The following CDKN2B variants were observed in gnomAD, a reference collection of about 807,000 sequenced individuals.
CDKN2B encodes the protein cyclin-dependent kinase 4 inhibitor B.
CDKN2B carries 8 observed loss-of-function variants against 7.7 expected under a neutral mutation model. That is an observed-to-expected ratio of 1.04 (90% confidence interval 0.61 to 1.87). The LOEUF (loss-of-function observed/expected upper bound fraction) is 1.87, where lower values mean the gene tolerates loss of function less well. Ranked by LOEUF, CDKN2B falls within the 40% of genes most tolerant of loss-of-function variation. The pLI is 0.00. For missense variants in CDKN2B, 244 were observed against 213.1 expected (o/e 1.15, Z -0.90); for synonymous variants, 93 against 95.8 (o/e 0.97, Z 0.17).
In CDKN2B at chr9:22,006,385, T is replaced by C; in HGVS notation, c.157-138A>G. On this transcript the variant is annotated intron_variant, in intron 1 of 1. Transcript: ENST00000276925. The surrounding 1 kb of genome is among the most constrained non-coding windows in gnomAD (Gnocchi z 6.4). ...CCCAGTGCAGAGGTGTTCAGGTCTCTGATGTCTGGTGTTTCTTCATTTGCT... is the reference window on the plus strand; with the variant it reads ...CCCAGTGCAGAGGTGTTCAGGTCTCCGATGTCTGGTGTTTCTTCATTTGCT... 1 of 1,162,490 alleles carries C rather than the reference T, an allele frequency of 8.6e-7. No individual in the cohort carries two copies. Among genetic ancestry groups the C allele is most frequent in the Non-Finnish European group, 1.2e-6 (1 of 813,410 alleles). The allele number at this position is 1,162,490 out of a possible 1,614,324, so 72.0% of individuals were successfully genotyped here. A position where few individuals can be genotyped will look rare whatever the true frequency, so the allele number is the denominator to read the frequency against.
Position 22,006,591 on chromosome 9 carries a change from CAG to C in CDKN2B, c.157-346_157-345del, listed in dbSNP as rs368869741. ...TCTATTTTGTTAAATGATTTAGGGG[CAG>C]AGTTAAATTTATTCGGCTTTTAAAG... On this transcript the variant is annotated intron_variant, in intron 1 of 1. Coordinates refer to ENST00000276925, the MANE Select transcript of CDKN2B (RefSeq NM_004936.4). This position sits in a 1 kb window ranked among gnomAD's most constrained non-coding sequence, Gnocchi z 6.4. Among the ~76,000 whole-genome samples the C allele has an allele frequency of 1.3e-5, 2 of 152,262 alleles. No individual in the cohort carries two copies. The highest frequency in any genetic ancestry group is 4.8e-5 in the African/African-American group (2 of 41,544).
At position 22,004,081 on chromosome 9, in the gene CDKN2B, T is replaced by C. The variant is rs1373760298; in HGVS notation, c.*1906A>G. 6 of 232,572 alleles carry C rather than the reference T, an allele frequency of 2.6e-5. No individual in the cohort carries two copies. The highest frequency in any genetic ancestry group is 1.2e-4 in the East Asian group (2 of 16,404). 14.4% of individuals were successfully genotyped at this position (232,572 alleles called of 1,614,324 possible). A position where few individuals can be genotyped will look rare whatever the true frequency, so the allele number is the denominator to read the frequency against. On this transcript the variant is annotated 3_prime_UTR_variant, in exon 2 of 2. Transcript: ENST00000276925. ...CTCATTGTCCTCATCTGGGAAACAA[T>C]ACCTATCTCTCAGGTTTAAATATTA...
Position 22,005,746 on chromosome 9 carries a change from C to T in CDKN2B, c.*241G>A. On this transcript the variant is annotated 3_prime_UTR_variant, in exon 2 of 2. Transcript: ENST00000276925. The surrounding 1 kb of genome is among the most constrained non-coding windows in gnomAD (Gnocchi z 4.9). Reference sequence around the variant, plus strand: ...GAATGTCACACACTCCTAAATATCCCTGGAAATCCGCTTCTCTGTGTTTCG... The same window carrying T: ...GAATGTCACACACTCCTAAATATCCTTGGAAATCCGCTTCTCTGTGTTTCG... 1.6e-6 allele frequency: 1 copy of T among 607,082 alleles called. No individual in the cohort carries two copies. Among genetic ancestry groups the T allele is most frequent in the Non-Finnish European group, 2.9e-6 (1 of 343,534 alleles). 37.6% of individuals were successfully genotyped at this position (607,082 alleles called of 1,614,324 possible).
intron 1 of CDKN2B, among the ~76,000 whole-genome samples, chr9:22,007,777 CATAT>C (rs1386220838): frequency 1.3e-5 from 2 of 152,104 alleles, no homozygotes; most frequent in Non-Finnish European, 2.9e-5. Context: ...TGGTGAATTA[CATAT>C]ATAACTTGTT....
rs1587379114 is a variant in CDKN2B at position 22,005,229 on chromosome 9, G to T, written c.*758C>A. ...TGTAGTCTGCCTGCGGAACCCGCGG[G>T]AATCTCTCCTCAGTGTAGTAAGAGC... On this transcript the variant is annotated 3_prime_UTR_variant, in exon 2 of 2. Coordinates refer to ENST00000276925, the MANE Select transcript of CDKN2B (RefSeq NM_004936.4). The surrounding 1 kb of genome is among the most constrained non-coding windows in gnomAD (Gnocchi z 4.9). 8.6e-6 allele frequency: 2 copies of T among 233,498 alleles called. No individual in the cohort carries two copies. Among genetic ancestry groups the T allele is most frequent in the Non-Finnish European group, 1.7e-5 (2 of 118,350 alleles). The allele number at this position is 233,498 out of a possible 1,614,324, so 14.5% of individuals were successfully genotyped here.
intron 1 of CDKN2B, among the ~76,000 whole-genome samples, chr9:22,007,171 C>T (rs1821229642): frequency 6.6e-6 from 1 of 151,998 alleles, no homozygotes; most frequent in South Asian, 2.1e-4. Flanking sequence ...ACCAGCCTGG[C>T]CAACATGGTG....
At position 22,008,971 on chromosome 9, in the gene CDKN2B, C is replaced by G. The variant is rs753272006; in HGVS notation, c.-18G>C. 3 of 1,613,270 alleles carry G rather than the reference C, an allele frequency of 1.9e-6. No homozygotes were observed. Among genetic ancestry groups the G allele is most frequent in the South Asian group, 1.1e-5 (1 of 91,084 alleles). On this transcript the variant is annotated 5_prime_UTR_variant, in exon 1 of 2. Coordinates refer to ENST00000276925, the MANE Select transcript of CDKN2B (RefSeq NM_004936.4). ...TCGCGCATTCCGCAGCCCCCAGACG[C>G]GCAGCGGCCCGGATAATCCACCGTT...
intron 1 of CDKN2B, 114 bp downstream of exon 1, chr9:22,008,684 A>G (rs1297138530): frequency 5.0e-6 from 8 of 1,609,858 alleles, no homozygotes; most frequent in South Asian, 2.2e-5. Context: ...CCTCCGGCCA[A>G]CGGAGACTCC....
chr9:22,008,683 A>G (rs767443985), intron 1 of CDKN2B, 115 bp downstream of exon 1: 9 of 1,609,628 alleles, frequency 5.6e-6, no homozygotes, highest in Non-Finnish European at 7.6e-6. Context: ...ACCTCCGGCC[A>G]ACGGAGACTC....
chr9:22,008,731 C>G (rs201305174), intron 1 of CDKN2B, 67 bp downstream of exon 1: 13 of 1,610,866 alleles, frequency 8.1e-6, no homozygotes, highest in Admixed American at 5.0e-5. Flanking sequence ...GTTCCAGCCC[C>G]GATCCGCCGA....
rs1197378161 is a variant in CDKN2B, at chr9:22,006,225, C to T, written c.179G>A (p.Arg60His). 2.5e-6 allele frequency: 4 copies of T among 1,606,652 alleles called. No individual in the cohort carries two copies. Among genetic ancestry groups the T allele is most frequent in the African/African-American group, 1.3e-5 (1 of 75,060 alleles). Residue 60 changes from arginine to histidine, a missense_variant, in exon 2 of 2, where the codon CGC (arginine) becomes CAC (histidine). Physicochemically the swap from Arg to His is conservative, Grantham distance 29. Transcript: ENST00000276925. This position sits in a 1 kb window ranked among gnomAD's most constrained non-coding sequence, Gnocchi z 6.4. ...GTGGAGCAGCAGCAGCTCCGCCACG[C>T]GGGCGCTGCCCATCATCATGACCTG... ...AIQVMMMGSA[R>H]VAELLLLHGA...
Position 22,004,680 on chromosome 9 carries a change from T to G in CDKN2B, c.*1307A>C, listed in dbSNP as rs1209845737. The G allele has an allele frequency of 8.6e-6, 2 of 232,764 alleles. No homozygotes were observed. Among genetic ancestry groups the G allele is most frequent in the Non-Finnish European group, 1.7e-5 (2 of 117,836 alleles). 14.4% of individuals were successfully genotyped at this position (232,764 alleles called of 1,614,324 possible). A position where few individuals can be genotyped will look rare whatever the true frequency, so the allele number is the denominator to read the frequency against. ...AGCAGTGCACCTTTAGTTTGTTCAG[T>G]GATAGTAGGACATCCCACGAGCCAT... is the stretch of plus-strand genomic sequence containing the variant. On this transcript the variant is annotated 3_prime_UTR_variant, in exon 2 of 2. Transcript: ENST00000276925.
At position 22,003,965 on chromosome 9, in the gene CDKN2B, C is replaced by A. The variant is rs559500160; in HGVS notation, c.*2022G>T. ...GCAATGGGAAGAAAAGCAAGACAAC[C>A]ATAATCAGCTGTGGAACTAGATGCA... On this transcript the variant is annotated 3_prime_UTR_variant, in exon 2 of 2. Transcript: ENST00000276925. The A allele has an allele frequency of 4.3e-6, 1 of 232,658 alleles. No homozygotes were observed. The highest frequency in any genetic ancestry group is 5.6e-5 in the Admixed American group (1 of 17,786). The allele number at this position is 232,658 out of a possible 1,614,324, so 14.4% of individuals were successfully genotyped here.
rs1288409806 is a variant in CDKN2B, at chr9:22,004,913, T to C, written c.*1074A>G. On this transcript the variant is annotated 3_prime_UTR_variant, in exon 2 of 2. Coordinates refer to ENST00000276925, the MANE Select transcript of CDKN2B (RefSeq NM_004936.4). ...TAAATAGGTTAAGAAGAAAGCAATC[T>C]AGGCGTTTGCACTGAGTTTGCAACA... is the stretch of plus-strand genomic sequence containing the variant. 1 of 233,172 alleles carries C rather than the reference T, an allele frequency of 4.3e-6. No homozygotes were observed. Among genetic ancestry groups the C allele is most frequent in the Non-Finnish European group, 8.5e-6 (1 of 118,072 alleles). The allele number at this position is 233,172 out of a possible 1,614,324, so 14.4% of individuals were successfully genotyped here.
rs1821215487 is a variant in CDKN2B, at chr9:22,006,844, G to C, written c.157-597C>G. On this transcript the variant is annotated intron_variant, in intron 1 of 1. Coordinates refer to ENST00000276925, the MANE Select transcript of CDKN2B (RefSeq NM_004936.4). This position sits in a 1 kb window ranked among gnomAD's most constrained non-coding sequence, Gnocchi z 6.4. ...TGTCTGAGCTCATAACTGGCTTGTAGTGTGATAATTTGAGCCAAAGTTGGA... is the reference window on the plus strand; with the variant it reads ...TGTCTGAGCTCATAACTGGCTTGTACTGTGATAATTTGAGCCAAAGTTGGA... 1.3e-5 allele frequency among the ~76,000 whole-genome samples: 2 copies of C among 151,966 alleles called. No homozygotes were observed. The highest frequency in any genetic ancestry group is 2.9e-5 in the Non-Finnish European group (2 of 68,014).
At chr9:22,008,717 C>G in intron 1 of CDKN2B, 81 bp downstream of exon 1, 2 of 1,611,710 alleles carry the variant, frequency 1.2e-6, no homozygotes, top group African/African-American at 1.3e-5. Context: ...CATCGGCGAT[C>G]TAGGTTCCAG....
rs1025066718 is a variant in CDKN2B, at chr9:22,005,425, A to T, written c.*562T>A. The stretch of plus-strand genomic sequence containing the variant: ...TACGCATGTGACTTGCCATGCGCTC[A>T]AACTAAAGCGCCGCCGGGGACTTAC... On this transcript the variant is annotated 3_prime_UTR_variant, in exon 2 of 2. Coordinates refer to ENST00000276925, the MANE Select transcript of CDKN2B (RefSeq NM_004936.4). This position sits in a 1 kb window ranked among gnomAD's most constrained non-coding sequence, Gnocchi z 4.9. 1 of 246,888 alleles carries T rather than the reference A, an allele frequency of 4.1e-6. No individual in the cohort carries two copies. Among genetic ancestry groups the T allele is most frequent in the African/African-American group, 2.2e-5 (1 of 45,434 alleles). The allele number at this position is 246,888 out of a possible 1,614,324, so 15.3% of individuals were successfully genotyped here.
Position 22,009,030 on chromosome 9 carries a change from C to G in CDKN2B, c.-77G>C. 1 of 1,595,542 alleles carries G rather than the reference C, an allele frequency of 6.3e-7. No homozygotes were observed. Among genetic ancestry groups the G allele is most frequent in the South Asian group, 1.1e-5 (1 of 90,556 alleles). On this transcript the variant is annotated 5_prime_UTR_variant, in exon 1 of 2. Transcript: ENST00000276925. ...ACTTAACGACACTCTTCCCTTCTTT[C>G]CCACGCTGCTCCGGCGCACTCTCTC...
rs1821076484 is a variant in CDKN2B at position 22,004,597 on chromosome 9, G to A, written c.*1390C>T. 1 of 232,314 alleles carries A rather than the reference G, an allele frequency of 4.3e-6. No individual in the cohort carries two copies. The highest frequency in any genetic ancestry group is 5.6e-5 in the Admixed American group (1 of 17,760). The allele number at this position is 232,314 out of a possible 1,614,324, so 14.4% of individuals were successfully genotyped here. ...TCTGTTAATTCTTTATTAAAGTAGT[G>A]AAGTATCAGTTGTTCCAATGATATA... On this transcript the variant is annotated 3_prime_UTR_variant, in exon 2 of 2. Coordinates refer to ENST00000276925, the MANE Select transcript of CDKN2B (RefSeq NM_004936.4).
Sources: gnomAD v4.1 joint callset for allele counts (sites outside exome capture counted in the v4.1 genomes callset) on GRCh38, gnomAD v4.1.1 for gene constraint, Gnocchi (gnomAD v3.1) non-coding constraint, MANE v1.5 for transcripts, NCBI Gene and HGNC (gene_info 2026-07-23, HGNC 2026-07-21) for gene names.